The following WDR33 variants were observed in gnomAD, a reference collection of about 807,000 sequenced individuals.
WDR33 encodes the protein WD repeat domain 33, also known as pre-mRNA 3' end processing protein WDR33.
WDR33 carries 47 observed loss-of-function variants against 164.9 expected under a neutral mutation model. That is an observed-to-expected ratio of 0.29 (90% confidence interval 0.23 to 0.36). WDR33 has a LOEUF of 0.36. WDR33 is among the 10% of genes least tolerant of loss of function. The probability of loss-of-function intolerance (pLI) is 1.00; values close to 1 mark genes in which losing one functional copy is unlikely to be tolerated. For synonymous variants in WDR33, 505 were observed against 589.0 expected (o/e 0.86, Z 2.06); for missense variants, 1,137 against 1,754.1 (o/e 0.65, Z 6.28).
chr2:127,809,398 A>G, intron 1 of WDR33, among the ~76,000 whole-genome samples: 1 of 151,666 alleles, frequency 6.6e-6, no homozygotes, highest in South Asian at 2.1e-4. Context: ...ATTTTTGTCT[A>G]AACCATTGTA....
chr2:127,798,817 A>T (rs1689135355), intron 1 of WDR33: 1 of 152,124 alleles, frequency 6.6e-6, no homozygotes, highest in South Asian at 2.1e-4. Context: ...TTTTTACTTG[A>T]ACCTCCCTCT....
intron 8 of WDR33, among the ~76,000 whole-genome samples, 190 bp from the exon 9 acceptor site, chr2:127,725,405 C>T (rs1017774759): frequency 1.2e-4 from 18 of 152,254 alleles, no homozygotes; most frequent in South Asian, 4.1e-4. Context: ...AAATAATATG[C>T]ACTGCCCAGA....
chr2:127,802,573 C>T (rs1050683483), intron 1 of WDR33, among the ~76,000 whole-genome samples: 2 of 152,158 alleles, frequency 1.3e-5, no homozygotes, highest in African/African-American at 4.8e-5. Context: ...TGAGCCACCA[C>T]GCCCAGCCAG....
chr2:127,781,999 TAAAAAAAA>T (rs764718254), intron 1 of WDR33, among the ~76,000 whole-genome samples: 3 of 90,196 alleles, frequency 3.3e-5, no homozygotes, highest in African/African-American at 1.3e-4. Context: ...ACTCTTTTTC[TAAAAAAAA>T]AAAAAAAAAA....
chr2:127,714,010 C>T lies in WDR33; in HGVS notation c.2881G>A (p.Gly961Ser), dbSNP rs1431469732. ...GPGPNKGDSR[G>S]PPNHHMGPMS... is the part of the protein sequence containing the mutation. ...GGGCCCATGTGATGGTTTGGAGGGC[C>T]GCGGGAGTCACCTAAAGGAAACAAA... Residue 961 changes from glycine to serine, a missense_variant, in exon 18 of 22, where the codon GGC becomes AGC. Physicochemically the swap from Gly to Ser is moderately conservative, Grantham distance 56. This residue lies in a region of WDR33 where 867 missense variants were observed against 1,073.0 expected (regional missense o/e 0.81). Transcript: ENST00000322313. The surrounding 1 kb of genome is among the most constrained non-coding windows in gnomAD (Gnocchi z 4.3). 2.0e-6 allele frequency: 3 copies of T among 1,519,256 alleles called. No individual in the cohort carries two copies. Among genetic ancestry groups the T allele is most frequent in the Non-Finnish European group, 2.6e-6 (3 of 1,139,306 alleles). 94.1% of individuals were successfully genotyped at this position (1,519,256 alleles called of 1,614,324 possible).
rs182855034 is a variant in WDR33, at chr2:127,781,036, G to T, written c.-23-10032C>A. 7.6e-4 allele frequency among the ~76,000 whole-genome samples: 115 copies of T among 151,788 alleles called. 1 individual carries two copies. The highest frequency in any genetic ancestry group is 2.6e-3 in the African/African-American group (107 of 41,394). ...CCACCACACCCGGCTAATTTTTTTC[G>T]TATCTCTAATAGAGACGGGATTTCA... On this transcript the variant is annotated intron_variant, in intron 1 of 21. Coordinates refer to ENST00000322313, the MANE Select transcript of WDR33 (RefSeq NM_018383.5).
intron 1 of WDR33, among the ~76,000 whole-genome samples, chr2:127,790,283 A>C (rs1174136791): frequency 6.6e-6 from 1 of 152,252 alleles, no homozygotes; most frequent in Non-Finnish European, 1.5e-5. Context: ...GTATTCCCAG[A>C]ATAAACCTCA....
At chr2:127,748,884 TAAAA>T (rs59425653) in intron 7 of WDR33, among the ~76,000 whole-genome samples, 2 of 104,988 alleles carry the variant, frequency 1.9e-5, no homozygotes, top group Admixed American at 1.0e-4. Flanking sequence ...AGCTGAAACT[TAAAA>T]AAAAAAAAAA....
chr2:127,725,741 T>TAA (rs1221998401), intron 8 of WDR33, among the ~76,000 whole-genome samples: 82 of 48,618 alleles, frequency 1.7e-3, no homozygotes, highest in African/African-American at 6.9e-3. Context: ...CTCAAAATAA[T>TAA]AATAATAATA....
At position 127,785,965 on chromosome 2, in the gene WDR33, G is replaced by A. The variant is rs568044853; in HGVS notation, c.-23-14961C>T. On this transcript the variant is annotated intron_variant, in intron 1 of 21. Transcript: ENST00000322313. ...GTGAGAGTTCTTGCTGCTCCGTATCGTTGACAGCATTTGGTGTGGCAGCTG... is the reference window on the plus strand; with the variant it reads ...GTGAGAGTTCTTGCTGCTCCGTATCATTGACAGCATTTGGTGTGGCAGCTG... Among the ~76,000 whole-genome samples the A allele has an allele frequency of 1.8e-4, 27 of 152,322 alleles. 1 individual carries two copies. The highest frequency in any genetic ancestry group is 4.3e-4 in the African/African-American group (18 of 41,562).
Position 127,701,564 on chromosome 2 carries a change from G to A in WDR33, c.*4759C>T, listed in dbSNP as rs759937692. On this transcript the variant is annotated 3_prime_UTR_variant, in exon 22 of 22. Coordinates refer to ENST00000322313, the MANE Select transcript of WDR33 (RefSeq NM_018383.5). ...TCCACCGCCAGCTGCAGGAGTACCT[G>A]GCGCAGGGGAAAGCTGGCGGCCCGG... 2.9e-5 allele frequency: 40 copies of A among 1,367,270 alleles called. No individual in the cohort carries two copies. In the African/African-American group the frequency reaches 4.2e-4, roughly 14 times the overall value. The allele number at this position is 1,367,270 out of a possible 1,614,324, so 84.7% of individuals were successfully genotyped here.
chr2:127,788,455 G>A (rs1179305159), intron 1 of WDR33, among the ~76,000 whole-genome samples: 2 of 131,822 alleles, frequency 1.5e-5, no homozygotes, highest in Admixed American at 7.0e-5. Flanking sequence ...CGGACGGGGC[G>A]GCTGGCCGGG....
rs549309707 is a variant in WDR33, at chr2:127,775,951, A to G, written c.-23-4947T>C. On this transcript the variant is annotated intron_variant, in intron 1 of 21. Coordinates refer to ENST00000322313, the MANE Select transcript of WDR33 (RefSeq NM_018383.5). ...CAAAAAATCTCTTCACAATACAGTG[A>G]CCAGGCTCCATCTATACCTTATACA... is the stretch of plus-strand genomic sequence containing the variant. Among the ~76,000 whole-genome samples the G allele has an allele frequency of 1.6e-3, 247 of 152,326 alleles. 1 individual carries two copies. The highest frequency in any genetic ancestry group is 4.3e-3 in the Admixed American group (66 of 15,296).
intron 7 of WDR33, among the ~76,000 whole-genome samples, chr2:127,762,211 C>T (rs1442158167): frequency 2.6e-5 from 4 of 152,110 alleles, no homozygotes; most frequent in Admixed American, 1.3e-4. Flanking sequence ...ATCAAGGGTA[C>T]GGAGTAGAAG....
intron 7 of WDR33, chr2:127,737,864 T>C (rs948866557): frequency 2.2e-5 from 31 of 1,412,274 alleles, no homozygotes; most frequent in Middle Eastern, 1.9e-4. Context: ...AAATAATCCG[T>C]GTCAAAGTAG....
At position 127,720,651 on chromosome 2, in the gene WDR33, C is replaced by T. The variant is rs1197890222; in HGVS notation, c.1672-298G>A. The stretch of plus-strand genomic sequence containing the variant: ...ACGATCGTGGTTCACTACAGCCTCA[C>T]CCTCCTGGGCTCAAGTGATCCTCCC... On this transcript the variant is annotated intron_variant, in intron 15 of 21. Transcript: ENST00000322313. The surrounding 1 kb of genome is among the most constrained non-coding windows in gnomAD (Gnocchi z 5.9). Among the ~76,000 whole-genome samples, 3 of 151,958 alleles carry T rather than the reference C, an allele frequency of 2.0e-5. No individual in the cohort carries two copies. The highest frequency in any genetic ancestry group is 4.4e-5 in the Non-Finnish European group (3 of 67,980).
chr2:127,788,680 C>T (rs1231087491), intron 1 of WDR33, among the ~76,000 whole-genome samples: 2 of 147,016 alleles, frequency 1.4e-5, no homozygotes, highest in South Asian at 4.2e-4. Context: ...CCGGACGGCA[C>T]GGCTGGCCAG....
rs777778383 is a variant in WDR33 at position 127,716,234 on chromosome 2, C to T, written c.2869+921G>A. Among the ~76,000 whole-genome samples the T allele has an allele frequency of 6.6e-6, 1 of 152,136 alleles. No homozygotes were observed. Among genetic ancestry groups the T allele is most frequent in the Non-Finnish European group, 1.5e-5 (1 of 68,012 alleles). Reference sequence around the variant, plus strand: ...AAGACTGAGCATAAATTCACAAAGTCCTAGGGCTGTAATGCTGACAAGGAC... The same window carrying T: ...AAGACTGAGCATAAATTCACAAAGTTCTAGGGCTGTAATGCTGACAAGGAC... On this transcript the variant is annotated intron_variant, in intron 17 of 21. Transcript: ENST00000322313. The surrounding 1 kb of genome is among the most constrained non-coding windows in gnomAD (Gnocchi z 4.5).
chr2:127,717,127 T>A lies in WDR33; in HGVS notation c.2869+28A>T. On this transcript the variant is annotated intron_variant, in intron 17 of 21. Transcript: ENST00000322313. This position sits in a 1 kb window ranked among gnomAD's most constrained non-coding sequence, Gnocchi z 5.6. ...TGTGCACAAAGGTGGTAGAATATAA[T>A]CTTTTATTCAGCTGAGCAGATATTT... is the stretch of plus-strand genomic sequence containing the variant. 3.2e-6 allele frequency: 5 copies of A among 1,557,102 alleles called. No homozygotes were observed. The highest frequency in any genetic ancestry group is 4.4e-6 in the Non-Finnish European group (5 of 1,144,200).
Sources: gnomAD v4.1 joint callset for allele counts (sites outside exome capture counted in the v4.1 genomes callset) on GRCh38, gnomAD v4.1.1 for gene constraint, gnomAD v4.1.1 regional missense constraint, Gnocchi (gnomAD v3.1) non-coding constraint, MANE v1.5 for transcripts, NCBI Gene and HGNC (gene_info 2026-07-23, HGNC 2026-07-21) for gene names.